AGAP1: variants seen among roughly 807,000 people sequenced by gnomAD.
AGAP1 encodes arf-GAP with GTPase, ANK repeat and PH domain-containing protein 1.
AGAP1 carries 29 observed loss-of-function variants against 105.3 expected under a neutral mutation model. The observed-to-expected ratio is 0.28, with a 90% confidence interval of 0.21 to 0.38. The LOEUF is 0.38. AGAP1 is among the 10% of genes least tolerant of loss of function. The pLI, the probability that AGAP1 is intolerant of heterozygous loss-of-function variation, is 1.00. For missense variants in AGAP1, 998 were observed against 1,165.1 expected (o/e 0.86, Z 2.09); for synonymous variants, 509 against 485.9 (o/e 1.05, Z -0.63).
chr2:235,744,737 T>G lies in AGAP1; in HGVS notation c.436T>G (p.Leu146Val). The G allele has an allele frequency of 6.2e-7, 1 of 1,613,938 alleles. No homozygotes were observed. The change falls in exon 5 of 18, where the codon TTG (leucine) becomes GTG (valine). Residue 146 changes from leucine to valine, a missense_variant. Leu to Val is a conservative substitution (Grantham distance 32). Coordinates refer to ENST00000304032, the MANE Select transcript of AGAP1 (RefSeq NM_001037131.3). This position sits in a 1 kb window ranked among gnomAD's most constrained non-coding sequence, Gnocchi z 5.2. ...GGACGCTGTTATATTTGTCTTCAGCTTGGAGGATGAAATAAGTTTCCAGAC... is the reference window on the plus strand; with the variant it reads ...GGACGCTGTTATATTTGTCTTCAGCGTGGAGGATGAAATAAGTTTCCAGAC... Reference protein sequence around the residue: ...WVDAVIFVFSLEDEISFQTVY... With the variant: ...WVDAVIFVFSVEDEISFQTVY...
At chr2:235,498,304 T>G (rs1941409698) in intron 1 of AGAP1, among the ~76,000 whole-genome samples, 1 of 152,022 alleles carries the variant, frequency 6.6e-6, no homozygotes, top group South Asian at 2.1e-4. Context: ...AGAGGTTTAT[T>G]CCCCCCTCCC....
At chr2:236,106,899 C>T (rs575331178) in intron 16 of AGAP1, among the ~76,000 whole-genome samples, 6 of 152,300 alleles carry the variant, frequency 3.9e-5, no homozygotes, top group African/African-American at 1.2e-4. Flanking sequence ...GAGGTGGCTG[C>T]AGTCTACAAG....
At chr2:235,568,884 C>T (rs565114604) in intron 1 of AGAP1, among the ~76,000 whole-genome samples, 2 of 152,096 alleles carry the variant, frequency 1.3e-5, no homozygotes, top group East Asian at 3.9e-4. Flanking sequence ...CACCTCTGCT[C>T]TATCATCATG....
chr2:235,880,576 C>CAAAA (rs57466604), intron 9 of AGAP1, among the ~76,000 whole-genome samples: 35 of 142,324 alleles, frequency 2.5e-4, no homozygotes, highest in African/African-American at 5.6e-4. Context: ...ACTAAAAATA[C>CAAAA]AAAAAAAAAA....
At chr2:235,515,352 G>C (rs1942335630) in intron 1 of AGAP1, among the ~76,000 whole-genome samples, 1 of 152,152 alleles carries the variant, frequency 6.6e-6, no homozygotes, top group Non-Finnish European at 1.5e-5. Flanking sequence ...TATTGGCCCA[G>C]ATTCTGCCAC....
rs928460177 is a variant in AGAP1 at position 235,977,043 on chromosome 2, C to T, written c.1645+8420C>T. 3.3e-5 allele frequency among the ~76,000 whole-genome samples: 5 copies of T among 152,100 alleles called. No individual in the cohort carries two copies. Among genetic ancestry groups the T allele is most frequent in the Admixed American group, 2.6e-4 (4 of 15,274 alleles). On this transcript the variant is annotated intron_variant, in intron 13 of 17. Coordinates refer to ENST00000304032, the MANE Select transcript of AGAP1 (RefSeq NM_001037131.3). This position sits in a 1 kb window ranked among gnomAD's most constrained non-coding sequence, Gnocchi z 5.2. Reference sequence around the variant, plus strand: ...CCCTTTCTAAGATACAGAAATGTGACGGACCTCAACTCCTTTTTTTTAGCT... The same window carrying T: ...CCCTTTCTAAGATACAGAAATGTGATGGACCTCAACTCCTTTTTTTTAGCT...
chr2:235,912,668 A>T (rs2051674938), intron 11 of AGAP1, among the ~76,000 whole-genome samples: 3 of 152,242 alleles, frequency 2.0e-5, no homozygotes, highest in Admixed American at 2.0e-4. Context: ...GGAATGATTC[A>T]TTCGGTTGGT....
rs1395929847 is a variant in AGAP1 at position 235,740,273 on chromosome 2, G to A, written c.311-690G>A. On this transcript the variant is annotated intron_variant, in intron 3 of 17. Coordinates refer to ENST00000304032, the MANE Select transcript of AGAP1 (RefSeq NM_001037131.3). This position sits in a 1 kb window ranked among gnomAD's most constrained non-coding sequence, Gnocchi z 5.7. Reference sequence around the variant, plus strand: ...AGGTAGCACCAGGCCCCTCATGCCCGCACCCCCTCCTCATGGTCACCTCTG... The same window carrying A: ...AGGTAGCACCAGGCCCCTCATGCCCACACCCCCTCCTCATGGTCACCTCTG... Among the ~76,000 whole-genome samples, 6 of 151,882 alleles carry A rather than the reference G, an allele frequency of 4.0e-5. No individual in the cohort carries two copies. In the East Asian group the frequency reaches 7.8e-4, roughly 20 times the overall value.
rs1388474656 is a variant in AGAP1 at position 236,033,261 on chromosome 2, AGAGT to A, written c.1646-3293_1646-3290del. ...ACTCTGTCTCAAAAAATAAATAAAT[AGAGT>A]GAGTGATGAAGCCATAGAACAGCCA... On this transcript the variant is annotated intron_variant, in intron 13 of 17. Transcript: ENST00000304032. Among the ~76,000 whole-genome samples the A allele has an allele frequency of 7.2e-5, 11 of 152,282 alleles. No homozygotes were observed. In the East Asian group the frequency reaches 9.7e-4, roughly 13 times the overall value.
At position 235,571,989 on chromosome 2, in the gene AGAP1, C is replaced by CACAG. The variant is rs1177103171; in HGVS notation, c.163+77143_163+77144insGACA. 3.4e-5 allele frequency among the ~76,000 whole-genome samples: 4 copies of CACAG among 117,122 alleles called. No homozygotes were observed. The East Asian group carries it at 1.0e-3, about 30-fold the overall frequency. 76.8% of individuals were successfully genotyped at this position (117,122 alleles called of 152,430 possible). On this transcript the variant is annotated intron_variant, in intron 1 of 17. Coordinates refer to ENST00000304032, the MANE Select transcript of AGAP1 (RefSeq NM_001037131.3). ...ATATATATGTATACACACACACACACACACACACACACACTTTTTTTTTTT... is the reference window on the plus strand; with the variant it reads ...ATATATATGTATACACACACACACACACAGACACACACACACACTTTTTTTTTTT...
intron 1 of AGAP1, among the ~76,000 whole-genome samples, chr2:235,702,913 C>G (rs182486393): frequency 7.9e-4 from 76 of 95,930 alleles, no homozygotes; most frequent in Non-Finnish European, 8.9e-4. Flanking sequence ...AGTTAGTGGT[C>G]ACTGTGAGCC....
At chr2:235,890,447 C>T (rs1386322622) in intron 10 of AGAP1, among the ~76,000 whole-genome samples, 1 of 152,206 alleles carries the variant, frequency 6.6e-6, no homozygotes, top group African/African-American at 2.4e-5. Context: ...CCACTCTGCC[C>T]AGCTGTGGTT....
In AGAP1 at chr2:235,865,754, G is replaced by GAAAGTTTAAAGTT. The variant is rs985594167; in HGVS notation, c.1051-17585_1051-17584insTAAAGTTAAAGTT. Among the ~76,000 whole-genome samples, 3 of 152,212 alleles carry GAAAGTTTAAAGTT rather than the reference G, an allele frequency of 2.0e-5. No homozygotes were observed. The highest frequency in any genetic ancestry group is 4.8e-5 in the African/African-American group (2 of 41,460). ...CTATGGAAACACTTTAAACTAGAGA[G>GAAAGTTTAAAGTT]AAAGTTAAAAAGATTTAGTAGCGGC... is the stretch of plus-strand genomic sequence containing the variant. On this transcript the variant is annotated intron_variant, in intron 9 of 17. Coordinates refer to ENST00000304032, the MANE Select transcript of AGAP1 (RefSeq NM_001037131.3). The surrounding 1 kb of genome is among the most constrained non-coding windows in gnomAD (Gnocchi z 6.2).
chr2:235,550,783 TA>T lies in AGAP1; in HGVS notation c.163+55935del, dbSNP rs1303437953. On this transcript the variant is annotated intron_variant, in intron 1 of 17. Coordinates refer to ENST00000304032, the MANE Select transcript of AGAP1 (RefSeq NM_001037131.3). This position sits in a 1 kb window ranked among gnomAD's most constrained non-coding sequence, Gnocchi z 4.6. Reference sequence around the variant, plus strand: ...AGATAGTGTTTATTTATTTTTATCTTATTTTTTTTGAGATAGAGTCTCACTC... The same window carrying T: ...AGATAGTGTTTATTTATTTTTATCTTTTTTTTTTGAGATAGAGTCTCACTC... Among the ~76,000 whole-genome samples, 1 of 152,162 alleles carries T rather than the reference TA, an allele frequency of 6.6e-6. No homozygotes were observed. Among genetic ancestry groups the T allele is most frequent in the Non-Finnish European group, 1.5e-5 (1 of 68,036 alleles).
intron 1 of AGAP1, among the ~76,000 whole-genome samples, chr2:235,564,713 A>G (rs1378507010): frequency 7.3e-6 from 1 of 137,204 alleles, no homozygotes. Context: ...AGCCTGGACC[A>G]CCACCCAGGG....
intron 6 of AGAP1, among the ~76,000 whole-genome samples, chr2:235,786,886 C>T (rs1956674444): frequency 6.6e-6 from 1 of 152,230 alleles, no homozygotes; most frequent in Admixed American, 6.5e-5. Flanking sequence ...TGAGCTCCGT[C>T]CATTGGTCCT....
intron 1 of AGAP1, among the ~76,000 whole-genome samples, chr2:235,590,973 G>A (rs1313138911): frequency 4.0e-5 from 6 of 151,214 alleles, no homozygotes; most frequent in Non-Finnish European, 7.4e-5. Flanking sequence ...CGCCTGTCTC[G>A]GCCTCCCAAA....
rs929225625 is a variant in AGAP1 at position 235,622,375 on chromosome 2, T to C, written c.164-86804T>C. Reference sequence around the variant, plus strand: ...AGCATTCTCATCCTTCAGAGCTCCCTGAGCTTCTTCACGGCCACGCTGCTC... The same window carrying C: ...AGCATTCTCATCCTTCAGAGCTCCCCGAGCTTCTTCACGGCCACGCTGCTC... On this transcript the variant is annotated intron_variant, in intron 1 of 17. Coordinates refer to ENST00000304032, the MANE Select transcript of AGAP1 (RefSeq NM_001037131.3). This position sits in a 1 kb window ranked among gnomAD's most constrained non-coding sequence, Gnocchi z 5.0. 6.6e-5 allele frequency among the ~76,000 whole-genome samples: 10 copies of C among 152,332 alleles called. No individual in the cohort carries two copies. The highest frequency in any genetic ancestry group is 1.2e-4 in the Non-Finnish European group (8 of 68,030).
intron 1 of AGAP1, among the ~76,000 whole-genome samples, chr2:235,531,555 A>G (rs557650707): frequency 5.4e-4 from 82 of 150,778 alleles, no homozygotes; most frequent in Non-Finnish European, 9.0e-4. Flanking sequence ...CGCTTGTGCC[A>G]TATCCAGTGG....
Sources: gnomAD v4.1 joint callset for allele counts (sites outside exome capture counted in the v4.1 genomes callset) on GRCh38, gnomAD v4.1.1 for gene constraint, Gnocchi (gnomAD v3.1) non-coding constraint, MANE v1.5 for transcripts, NCBI Gene and HGNC (gene_info 2026-07-23, HGNC 2026-07-21) for gene names.